The following IQCH variants were observed in gnomAD, a reference collection of about 807,000 sequenced individuals.
The protein encoded by IQCH is IQ domain-containing protein H.
Under a neutral mutation model 117.0 loss-of-function variants are expected in IQCH, and 98 were observed. The ratio of observed to expected loss-of-function variants is 0.84; its 90% CI spans 0.71 to 0.99. The LOEUF (loss-of-function observed/expected upper bound fraction) is 0.99. Ranked by LOEUF, IQCH falls within the 50% of genes least tolerant of loss-of-function variation. The pLI, the probability that IQCH is intolerant of heterozygous loss-of-function variation, is 0.00. For missense variants in IQCH, 1,102 were observed against 1,243.8 expected (o/e 0.89, Z 1.72); for synonymous variants, 412 against 448.2 (o/e 0.92, Z 1.02).
At chr15:67,294,148 A>G (rs914994111) in intron 4 of IQCH, among the ~76,000 whole-genome samples, 2 of 152,154 alleles carry the variant, frequency 1.3e-5, no homozygotes, top group Admixed American at 1.3e-4. Flanking sequence ...TGACCTCTGC[A>G]TCCTAGACTG....
Position 67,416,277 on chromosome 15 carries a change from G to A in IQCH, c.2098-654G>A, listed in dbSNP as rs546843241. On this transcript the variant is annotated intron_variant, in intron 14 of 20. Transcript: ENST00000335894. The surrounding 1 kb of genome is among the most constrained non-coding windows in gnomAD (Gnocchi z 5.1). ...TCATGCCTGTAATCCCAGCACTTTG[G>A]GAGGCCGAGGCGGGCGGATCACCTG... 1.6e-4 allele frequency among the ~76,000 whole-genome samples: 25 copies of A among 152,248 alleles called. No individual in the cohort carries two copies. Among genetic ancestry groups the A allele is most frequent in the African/African-American group, 5.8e-4 (24 of 41,534 alleles).
Position 67,454,256 on chromosome 15 carries a change from C to T in IQCH, c.2506-10871C>T, listed in dbSNP as rs1039638834. Among the ~76,000 whole-genome samples, 1 of 152,190 alleles carries T rather than the reference C, an allele frequency of 6.6e-6. No individual in the cohort carries two copies. The highest frequency in any genetic ancestry group is 1.5e-5 in the Non-Finnish European group (1 of 68,022). ...ACCATCCTGCGCCTACTGTCTGGCACTCCCCAGTGAGATGAACCCGGTACC... is the reference window on the plus strand; with the variant it reads ...ACCATCCTGCGCCTACTGTCTGGCATTCCCCAGTGAGATGAACCCGGTACC... On this transcript the variant is annotated intron_variant, in intron 16 of 20. Transcript: ENST00000335894. This position sits in a 1 kb window ranked among gnomAD's most constrained non-coding sequence, Gnocchi z 5.2.
At position 67,490,928 on chromosome 15, in the gene IQCH, A is replaced by G. The variant is rs1275473198; in HGVS notation, c.2861+864A>G. On this transcript the variant is annotated intron_variant, in intron 19 of 20. Transcript: ENST00000335894. This position sits in a 1 kb window ranked among gnomAD's most constrained non-coding sequence, Gnocchi z 4.9. ...GCAAAGCCTCCTATCTAGGACTCAG[A>G]ATTTTAGAGCTACAACCTTGAGTCA... Among the ~76,000 whole-genome samples, 1 of 152,216 alleles carries G rather than the reference A, an allele frequency of 6.6e-6. No homozygotes were observed. The highest frequency in any genetic ancestry group is 1.5e-5 in the Non-Finnish European group (1 of 68,042).
In IQCH at chr15:67,494,018, C is replaced by T. The variant is rs117597200; in HGVS notation, c.2862-240C>T. ...AGTGGTAGACTTTCGCTAGAAATGA[C>T]CTACCCTATTGGTATATTCTGCTAA... On this transcript the variant is annotated intron_variant, in intron 19 of 20. Transcript: ENST00000335894. This position sits in a 1 kb window ranked among gnomAD's most constrained non-coding sequence, Gnocchi z 5.5. Among the ~76,000 whole-genome samples the T allele has an allele frequency of 7.2e-3, 1,104 of 152,312 alleles. 7 individuals are homozygous for T. The highest frequency in any genetic ancestry group is 0.013 in the Non-Finnish European group (871 of 68,030).
At chr15:67,303,250 G>A (rs1018008144) in intron 4 of IQCH, among the ~76,000 whole-genome samples, 1 of 152,138 alleles carries the variant, frequency 6.6e-6, no homozygotes, top group Non-Finnish European at 1.5e-5. Flanking sequence ...AGGAGAGACA[G>A]AAAGTAGATT....
chr15:67,304,357 G>T (rs1453559552), intron 4 of IQCH: 1 of 1,526,464 alleles, frequency 6.6e-7, no homozygotes, highest in South Asian at 1.2e-5. Context: ...AGGGTTGAAT[G>T]TAAAAATCTT....
At chr15:67,428,932 C>T (rs2081957397) in intron 16 of IQCH, among the ~76,000 whole-genome samples, 1 of 151,090 alleles carries the variant, frequency 6.6e-6, no homozygotes, top group African/African-American at 2.4e-5. Context: ...TGGCCTTGAA[C>T]AAGGAGGAAG....
intron 1 of IQCH, among the ~76,000 whole-genome samples, chr15:67,257,919 G>A (rs1468371374): frequency 1.3e-5 from 2 of 152,178 alleles, no homozygotes; most frequent in African/African-American, 2.4e-5. Flanking sequence ...GATTTGTCAG[G>A]TGCATACAAT....
chr15:67,388,149 A>T lies in IQCH; in HGVS notation c.1457-682A>T, dbSNP rs1596298603. Among the ~76,000 whole-genome samples the T allele has an allele frequency of 6.6e-6, 1 of 152,168 alleles. No individual in the cohort carries two copies. The highest frequency in any genetic ancestry group is 2.4e-5 in the African/African-American group (1 of 41,430). On this transcript the variant is annotated intron_variant, in intron 11 of 20. Transcript: ENST00000335894. This position sits in a 1 kb window ranked among gnomAD's most constrained non-coding sequence, Gnocchi z 5.5. ...GTGGATACTCTCATTTCACTATTCC[A>T]TTTGGATGGGATATTTAATTAGGGT...
chr15:67,389,130 G>A, intron 12 of IQCH, 124 bp downstream of exon 12: 1 of 723,754 alleles, frequency 1.4e-6, no homozygotes, highest in Non-Finnish European at 2.3e-6. Context: ...CAGCTTTACT[G>A]ATTAGACTAC....
At chr15:67,295,859 G>A (rs376284634) in intron 4 of IQCH, among the ~76,000 whole-genome samples, 22 of 152,100 alleles carry the variant, frequency 1.4e-4, no homozygotes, top group Middle Eastern at 3.4e-3. Flanking sequence ...CTCATGAATC[G>A]TCAGTTTCTC....
chr15:67,402,996 C>G (rs905122769), intron 14 of IQCH, among the ~76,000 whole-genome samples: 8 of 152,194 alleles, frequency 5.3e-5, no homozygotes, highest in African/African-American at 1.9e-4. Context: ...GCCTGTAATC[C>G]TAGCACTCTG....
At chr15:67,354,727 G>A (rs1221159994) in intron 6 of IQCH, among the ~76,000 whole-genome samples, 3 of 152,208 alleles carry the variant, frequency 2.0e-5, no homozygotes, top group Non-Finnish European at 4.4e-5. Flanking sequence ...AAACAATGAA[G>A]AATTTGTCTC....
In IQCH at chr15:67,290,282, A is replaced by G. The variant is rs75792996; in HGVS notation, c.387+10770A>G. Among the ~76,000 whole-genome samples the G allele has an allele frequency of 7.9e-5, 12 of 152,204 alleles. No individual in the cohort carries two copies. In the East Asian group the frequency reaches 2.3e-3, roughly 29 times the overall value. The stretch of plus-strand genomic sequence containing the variant: ...CATAGCTTTGAAAATCCTAGAGTCT[A>G]TTCCATGAGATTTACTATGCTGGTT... On this transcript the variant is annotated intron_variant, in intron 4 of 20. Transcript: ENST00000335894.
intron 4 of IQCH, among the ~76,000 whole-genome samples, chr15:67,294,766 G>A (rs1318079120): frequency 6.6e-6 from 1 of 152,208 alleles, no homozygotes; most frequent in Non-Finnish European, 1.5e-5. Context: ...TGTGAGAATA[G>A]ACCCCAGTAG....
rs1225523902 is a variant in IQCH, at chr15:67,347,797, G to GTCTATATATATATATAGATATATATT, written c.637+3608_637+3633dup. On this transcript the variant is annotated intron_variant, in intron 6 of 20. Transcript: ENST00000335894. ...TATAGCAAATTGAATCTAGTGCTCT[G>GTCTATATATATATATAGATATATATT]TCTATATATATATATAGATATATAT... Among the ~76,000 whole-genome samples, 51 of 145,802 alleles carry GTCTATATATATATATAGATATATATT rather than the reference G, an allele frequency of 3.5e-4. No homozygotes were observed. In the South Asian group the frequency reaches 0.011, roughly 31 times the overall value.
intron 3 of IQCH, among the ~76,000 whole-genome samples, chr15:67,263,696 T>TA (rs11429797): frequency 0.99 from 151,442 of 152,330 alleles, 75,291 homozygotes; most frequent in Middle Eastern, 1. Flanking sequence ...GTTTTCACAC[T>TA]TTTAGATCAC....
At chr15:67,400,867 G>A (rs1971633030) in intron 14 of IQCH, among the ~76,000 whole-genome samples, 1 of 151,930 alleles carries the variant, frequency 6.6e-6, no homozygotes, top group African/African-American at 2.4e-5. Context: ...TGATAATTAG[G>A]AAGTAATTTT....
chr15:67,284,185 C>G (rs756946897), intron 4 of IQCH, among the ~76,000 whole-genome samples: 1 of 152,190 alleles, frequency 6.6e-6, no homozygotes, highest in South Asian at 2.1e-4. Context: ...CCACTTCCCC[C>G]TAACCCACAC....
Sources: allele counts gnomAD v4.1 joint callset (sites outside exome capture counted in the v4.1 genomes callset), GRCh38; gene constraint gnomAD v4.1.1; non-coding constraint Gnocchi (gnomAD v3.1); transcripts MANE v1.5; gene names NCBI Gene and HGNC (gene_info 2026-07-23, HGNC 2026-07-21).